The following TMEM178B variants were observed in gnomAD, a reference collection of about 807,000 sequenced individuals.
The protein encoded by TMEM178B is transmembrane protein 178B.
TMEM178B carries 5 observed loss-of-function variants against 31.0 expected under a neutral mutation model. That is an observed-to-expected ratio of 0.16 (90% CI 0.08 to 0.34). The LOEUF (loss-of-function observed/expected upper bound fraction) is 0.34, where lower values mean the gene tolerates loss of function less well. Among genes scored for constraint, TMEM178B ranks in the 10% least tolerant of loss-of-function variants. The pLI is 1.00. For synonymous variants in TMEM178B, 164 were observed against 164.0 expected (o/e 1.00, Z 0.00); for missense variants, 275 against 400.3 (o/e 0.69, Z 2.67).
intron 2 of TMEM178B, among the ~76,000 whole-genome samples, chr7:141,222,523 C>T (rs1221683008): frequency 6.6e-6 from 1 of 152,194 alleles, no homozygotes; most frequent in Admixed American, 6.5e-5. Context: ...AATTCATGCA[C>T]AATCTCTGAG....
chr7:141,135,648 T>A (rs1408185948), intron 1 of TMEM178B, among the ~76,000 whole-genome samples: 1 of 152,128 alleles, frequency 6.6e-6, no homozygotes, highest in East Asian at 1.9e-4. Context: ...CCAGTGAAGA[T>A]CTTAAGAAGG....
chr7:141,172,042 A>T (rs1215204525), intron 1 of TMEM178B, among the ~76,000 whole-genome samples: 4 of 152,152 alleles, frequency 2.6e-5, no homozygotes, highest in Non-Finnish European at 5.9e-5. Flanking sequence ...TGGTTTCTGT[A>T]TTCCTTTCAC....
intron 2 of TMEM178B, among the ~76,000 whole-genome samples, chr7:141,326,220 T>C (rs1341410933): frequency 6.6e-6 from 1 of 152,190 alleles, no homozygotes; most frequent in Non-Finnish European, 1.5e-5. Context: ...GAAACTCAGG[T>C]AATTCTCTTT....
At chr7:141,119,580 A>G (rs565712390) in intron 1 of TMEM178B, among the ~76,000 whole-genome samples, 1 of 152,318 alleles carries the variant, frequency 6.6e-6, no homozygotes, top group South Asian at 2.1e-4. Context: ...GGTGGCACTC[A>G]GCGCATCTTT....
chr7:141,139,176 GT>G (rs1215331895), intron 1 of TMEM178B, among the ~76,000 whole-genome samples: 1 of 152,046 alleles, frequency 6.6e-6, no homozygotes, highest in Non-Finnish European at 1.5e-5. Context: ...CATTTTTAAA[GT>G]TTGTTCTTTT....
At chr7:141,403,889 G>C (rs1489829693) in intron 2 of TMEM178B, among the ~76,000 whole-genome samples, 4 of 152,184 alleles carry the variant, frequency 2.6e-5, no homozygotes, top group Non-Finnish European at 5.9e-5. Context: ...GTTCAGAAAG[G>C]GTGCTCCTTT....
Position 141,368,258 on chromosome 7 carries a change from G to A in TMEM178B, c.497-69350G>A, listed in dbSNP as rs200216366. 9.9e-5 allele frequency among the ~76,000 whole-genome samples: 15 copies of A among 152,280 alleles called. No homozygotes were observed. In the East Asian group the frequency reaches 2.9e-3, roughly 29 times the overall value. ...TGCTTGAACCTGGGGGGTGGAGGTT[G>A]CAGTGAGCCAAGATTGTGCCACTGC... is the stretch of plus-strand genomic sequence containing the variant. On this transcript the variant is annotated intron_variant, in intron 2 of 3. Transcript: ENST00000565468.
intron 1 of TMEM178B, among the ~76,000 whole-genome samples, chr7:141,137,276 G>C (rs536008418): frequency 6.6e-6 from 1 of 152,294 alleles, no homozygotes; most frequent in African/African-American, 2.4e-5. Flanking sequence ...GTGTATTGCA[G>C]CACTATTCAC....
chr7:141,099,752 G>T (rs1395808057), intron 1 of TMEM178B, among the ~76,000 whole-genome samples: 1 of 151,922 alleles, frequency 6.6e-6, no homozygotes, highest in African/African-American at 2.4e-5. Flanking sequence ...TCAAAGCATT[G>T]ACTCCTATAT....
intron 1 of TMEM178B, among the ~76,000 whole-genome samples, chr7:141,182,905 A>G (rs190700618): frequency 1.6e-4 from 24 of 152,302 alleles, no homozygotes; most frequent in Admixed American, 1.2e-3. Flanking sequence ...TCTTTCCCTT[A>G]TAAATTACCC....
At chr7:141,400,396 C>T (rs147169210) in intron 2 of TMEM178B, among the ~76,000 whole-genome samples, 1 of 152,282 alleles carries the variant, frequency 6.6e-6, no homozygotes, top group East Asian at 1.9e-4. Context: ...CATTTTGCTG[C>T]CACTGCTTCA....
intron 1 of TMEM178B, among the ~76,000 whole-genome samples, chr7:141,091,013 A>G (rs747934518): frequency 1.2e-4 from 18 of 152,256 alleles, no homozygotes; most frequent in Non-Finnish European, 2.1e-4. Flanking sequence ...GCAGATAAAT[A>G]TAGATATGGC....
chr7:141,448,690 C>G (rs1470500855), intron 3 of TMEM178B, among the ~76,000 whole-genome samples: 1 of 152,062 alleles, frequency 6.6e-6, no homozygotes, highest in Non-Finnish European at 1.5e-5. Flanking sequence ...AGTGATTTCC[C>G]CCAGCCCAGT....
At chr7:141,311,237 A>G (rs1798904858) in intron 2 of TMEM178B, among the ~76,000 whole-genome samples, 1 of 152,198 alleles carries the variant, frequency 6.6e-6, no homozygotes, top group Non-Finnish European at 1.5e-5. Flanking sequence ...GCAGCAAACC[A>G]CCATGGCACA....
At chr7:141,365,142 T>C (rs10274567) in intron 2 of TMEM178B, among the ~76,000 whole-genome samples, 48,476 of 152,180 alleles carry the variant, frequency 0.32, 7,953 homozygotes, top group Middle Eastern at 0.36. Flanking sequence ...GGCATTTTCT[T>C]AGCCTTATGT....
intron 2 of TMEM178B, among the ~76,000 whole-genome samples, chr7:141,322,746 T>C (rs1254561560): frequency 6.6e-6 from 1 of 152,132 alleles, no homozygotes; most frequent in African/African-American, 2.4e-5. Context: ...GGCCTTCGAC[T>C]GAGGTTGAGT....
At chr7:141,401,068 T>G (rs1800752835) in intron 2 of TMEM178B, among the ~76,000 whole-genome samples, 1 of 152,240 alleles carries the variant, frequency 6.6e-6, no homozygotes, top group Non-Finnish European at 1.5e-5. Flanking sequence ...CAGTGGGTCA[T>G]TGCTGATCTA....
intron 3 of TMEM178B, among the ~76,000 whole-genome samples, chr7:141,458,281 G>C (rs928102214): frequency 1.3e-5 from 2 of 152,176 alleles, no homozygotes; most frequent in African/African-American, 4.8e-5. Flanking sequence ...CACCACACCC[G>C]GCTGATTTTG....
At chr7:141,352,506 G>A (rs1189758015) in intron 2 of TMEM178B, 1 of 152,044 alleles carries the variant, frequency 6.6e-6, no homozygotes, top group Non-Finnish European at 1.5e-5. Flanking sequence ...GCCCTCCTGA[G>A]TAGCTGGGAT....
Sources: allele counts gnomAD v4.1 joint callset (sites outside exome capture counted in the v4.1 genomes callset), GRCh38; gene constraint gnomAD v4.1.1; transcripts MANE v1.5; gene names NCBI Gene and HGNC (gene_info 2026-07-23, HGNC 2026-07-21).